KIRREL1: variants seen among roughly 807,000 people sequenced by gnomAD.
KIRREL1 encodes the protein kirre like nephrin family adhesion molecule 1.
KIRREL1 carries 25 observed loss-of-function variants against 83.3 expected under a neutral mutation model. The ratio of observed to expected loss-of-function variants is 0.30; its 90% confidence interval spans 0.22 to 0.42. The LOEUF is 0.42. KIRREL1 is among the 10% of genes least tolerant of loss of function. KIRREL1 has a pLI of 1.00. For synonymous variants in KIRREL1, 388 were observed against 410.4 expected (o/e 0.95, Z 0.66); for missense variants, 812 against 1,032.3 (o/e 0.79, Z 2.92).
chr1:158,093,657 C>T lies in KIRREL1; in HGVS notation c.1614C>T (p.Ile538=), dbSNP rs1264497442. The T allele has an allele frequency of 1.9e-6, 3 of 1,614,076 alleles. No individual in the cohort carries two copies. The highest frequency in any genetic ancestry group is 1.6e-4 in the Middle Eastern group (1 of 6,084). Residue 538 remains isoleucine, a synonymous_variant, in exon 13 of 15, where the codon ATC becomes ATT. Transcript: ENST00000359209. ...ACGTGACCCTGAGGAAGCTGGATAT[C>T]AAGGTGGAGACAGTGAACCGAGAGC... is the stretch of plus-strand genomic sequence containing the variant. ...RKDVTLRKLD[I]KVETVNREPL...
At chr1:158,053,036 G>A (rs548737650) in intron 1 of KIRREL1, among the ~76,000 whole-genome samples, 4 of 152,256 alleles carry the variant, frequency 2.6e-5, no homozygotes, top group East Asian at 1.9e-4. Context: ...AATCATTCAT[G>A]GAGATCTGCC....
At chr1:158,037,807 T>C (rs1265742155) in intron 1 of KIRREL1, among the ~76,000 whole-genome samples, 1 of 152,156 alleles carries the variant, frequency 6.6e-6, no homozygotes, top group African/African-American at 2.4e-5. Flanking sequence ...TTGTCCTGAG[T>C]GTCCTAGGAA....
At chr1:158,002,803 G>GA (rs1659403410) in intron 1 of KIRREL1, among the ~76,000 whole-genome samples, 1 of 152,172 alleles carries the variant, frequency 6.6e-6, no homozygotes, top group Non-Finnish European at 1.5e-5. Flanking sequence ...GGGGCCTCTG[G>GA]AATGTGGTGC....
intron 1 of KIRREL1, among the ~76,000 whole-genome samples, chr1:158,018,761 G>C (rs1358710282): frequency 6.6e-6 from 1 of 152,176 alleles, no homozygotes; most frequent in Admixed American, 6.5e-5. Flanking sequence ...CATCTGATGA[G>C]GGTCGATGGG....
At chr1:158,076,388 C>A (rs1661682763) in intron 2 of KIRREL1, 126 bp downstream of exon 2, 1 of 830,498 alleles carries the variant, frequency 1.2e-6, no homozygotes, top group Non-Finnish European at 2.0e-6. Context: ...CACAGCCTCC[C>A]CTCTGTCTCT....
At chr1:158,007,627 G>A (rs913565248) in intron 1 of KIRREL1, among the ~76,000 whole-genome samples, 25 of 152,184 alleles carry the variant, frequency 1.6e-4, no homozygotes, top group African/African-American at 5.8e-4. Flanking sequence ...TCGTGTGTCT[G>A]GGGGGAGAGT....
chr1:158,041,222 G>T (rs550361005), intron 1 of KIRREL1, among the ~76,000 whole-genome samples: 1 of 152,244 alleles, frequency 6.6e-6, no homozygotes, highest in East Asian at 1.9e-4. Flanking sequence ...CTTGGGGAGG[G>T]TCAGCTAATA....
In KIRREL1 at chr1:158,076,327, T is replaced by C. The variant is rs1661681314; in HGVS notation, c.202+65T>C. 4.1e-6 allele frequency: 6 copies of C among 1,478,350 alleles called. No homozygotes were observed. In the Admixed American group the frequency reaches 8.5e-5, roughly 21 times the overall value. 91.6% of individuals were successfully genotyped at this position (1,478,350 alleles called of 1,614,324 possible). On this transcript the variant is annotated intron_variant, in intron 2 of 14. Transcript: ENST00000359209. ...TCTCCGCCATTCCCCACTTCCAGCA[T>C]AGATTCCTGGACTCACCATCCCTTA...
chr1:158,013,992 C>T (rs1389686167), intron 1 of KIRREL1, among the ~76,000 whole-genome samples: 2 of 152,178 alleles, frequency 1.3e-5, no homozygotes, highest in African/African-American at 4.8e-5. Context: ...CTGCCCCCAT[C>T]CCTCCTAAGG....
intron 1 of KIRREL1, among the ~76,000 whole-genome samples, chr1:158,016,765 A>C (rs1306118767): frequency 6.6e-6 from 1 of 152,212 alleles, no homozygotes; most frequent in Non-Finnish European, 1.5e-5. Flanking sequence ...ACGTGTGAGT[A>C]ATTGAGAGCT....
intron 7 of KIRREL1, 54 bp from the exon 8 acceptor site, chr1:158,088,273 G>A: frequency 6.2e-7 from 1 of 1,601,000 alleles, no homozygotes; most frequent in South Asian, 1.1e-5. Flanking sequence ...AGATTGATTG[G>A]AGTTAACCCC....
At chr1:158,028,194 C>G (rs1348215813) in intron 1 of KIRREL1, among the ~76,000 whole-genome samples, 1 of 152,214 alleles carries the variant, frequency 6.6e-6, no homozygotes, top group Non-Finnish European at 1.5e-5. Context: ...TCTGCCAAAG[C>G]AGCTGCAGTG....
intron 1 of KIRREL1, among the ~76,000 whole-genome samples, chr1:158,008,805 G>A (rs541786866): frequency 2.6e-5 from 4 of 152,210 alleles, no homozygotes; most frequent in South Asian, 2.1e-4. Context: ...TCATTTGTTC[G>A]AGTCACAACA....
chr1:158,003,202 T>C (rs1659416986), intron 1 of KIRREL1, among the ~76,000 whole-genome samples: 1 of 152,048 alleles, frequency 6.6e-6, no homozygotes. Flanking sequence ...TCCCATTCGA[T>C]TCGCTTAACT....
intron 1 of KIRREL1, among the ~76,000 whole-genome samples, chr1:158,034,269 C>CAAAAAAAAAAAA (rs750353894): frequency 1.8e-5 from 2 of 113,692 alleles, no homozygotes; most frequent in African/African-American, 7.3e-5. Context: ...GACTCCGTCT[C>CAAAAAAAAAAAA]AAAAAAAAAA....
chr1:158,032,044 A>C (rs1660341131), intron 1 of KIRREL1, among the ~76,000 whole-genome samples: 1 of 152,140 alleles, frequency 6.6e-6, no homozygotes, highest in Admixed American at 6.6e-5. Context: ...ACACAACTGC[A>C]CTCCAGCCTG....
intron 1 of KIRREL1, among the ~76,000 whole-genome samples, chr1:158,034,525 G>A (rs925639324): frequency 1.4e-4 from 22 of 152,172 alleles, no homozygotes; most frequent in Admixed American, 1.3e-3. Context: ...ATGTGACTTA[G>A]TGAAAGTGTG....
chr1:158,019,126 A>G (rs144796694), intron 1 of KIRREL1, among the ~76,000 whole-genome samples: 2 of 152,178 alleles, frequency 1.3e-5, no homozygotes, highest in Non-Finnish European at 2.9e-5. Flanking sequence ...CCCTCAGCCT[A>G]TAGCGGACAC....
chr1:158,081,527 T>G (rs1023497375), intron 3 of KIRREL1, among the ~76,000 whole-genome samples: 1 of 152,164 alleles, frequency 6.6e-6, no homozygotes, highest in Non-Finnish European at 1.5e-5. Context: ...ACAAGGAGAC[T>G]GAGGCTTTTT....
Sources: allele counts gnomAD v4.1 joint callset (sites outside exome capture counted in the v4.1 genomes callset), GRCh38; gene constraint gnomAD v4.1.1; transcripts MANE v1.5; gene names NCBI Gene and HGNC (gene_info 2026-07-23, HGNC 2026-07-21).